PRKAG2: variants seen among roughly 807,000 people sequenced by gnomAD.
PRKAG2 encodes protein kinase AMP-activated non-catalytic subunit gamma 2, also known as 5'-AMP-activated protein kinase subunit gamma-2.
Under a neutral mutation model 69.6 loss-of-function variants are expected in PRKAG2, and 26 were observed. The observed-to-expected ratio is 0.37, with a 90% CI of 0.27 to 0.52. The LOEUF is 0.52. PRKAG2 is among the 20% of genes least tolerant of loss of function. The pLI, the probability that PRKAG2 is intolerant of heterozygous loss-of-function variation, is 0.90. For missense variants in PRKAG2, 557 were observed against 740.0 expected, an observed-to-expected ratio of 0.75 and a Z score of 2.87; for synonymous variants, 293 against 285.0, an observed-to-expected ratio of 1.03 and a Z score of -0.28.
chr7:151,697,808 C>T (rs897041950), intron 3 of PRKAG2, among the ~76,000 whole-genome samples: 3 of 152,164 alleles, frequency 2.0e-5, no homozygotes, highest in Non-Finnish European at 4.4e-5. Flanking sequence ...TCCACCCTGC[C>T]TTCCAACCTC....
Position 151,583,012 on chromosome 7 carries a change from C to CAGAA in PRKAG2, c.865-6564_865-6561dup, listed in dbSNP as rs1414999510. Among the ~76,000 whole-genome samples, 2 of 152,186 alleles carry CAGAA rather than the reference C, an allele frequency of 1.3e-5. No homozygotes were observed. The highest frequency in any genetic ancestry group is 6.5e-5 in the Admixed American group (1 of 15,286). ...CTATACTGACCAAACCAGAAGCCAA[C>CAGAA]AGAAATTTCTTCTTTTTTTCACTTT... On this transcript the variant is annotated intron_variant, in intron 6 of 15. Coordinates refer to ENST00000287878, the MANE Select transcript of PRKAG2 (RefSeq NM_016203.4). This position sits in a 1 kb window ranked among gnomAD's most constrained non-coding sequence, Gnocchi z 4.1.
At chr7:151,698,340 A>C (rs1585857909) in intron 3 of PRKAG2, among the ~76,000 whole-genome samples, 1 of 149,654 alleles carries the variant, frequency 6.7e-6, no homozygotes, top group African/African-American at 2.5e-5. Context: ...CCCATCCCCC[A>C]CCCCCTCGCC....
At chr7:151,848,099 G>A (rs943060000) in intron 1 of PRKAG2, among the ~76,000 whole-genome samples, 3 of 152,216 alleles carry the variant, frequency 2.0e-5, no homozygotes, top group African/African-American at 7.2e-5. Context: ...GAGGACTTCA[G>A]CTTTCAGGAT....
intron 3 of PRKAG2, among the ~76,000 whole-genome samples, chr7:151,693,687 C>T (rs530709389): frequency 1.3e-5 from 2 of 152,242 alleles, no homozygotes; most frequent in South Asian, 2.1e-4. Flanking sequence ...GTTAGGAGGC[C>T]GGGCCTTGGG....
At chr7:151,659,860 C>T (rs1471457250) in intron 4 of PRKAG2, among the ~76,000 whole-genome samples, 1 of 152,224 alleles carries the variant, frequency 6.6e-6, no homozygotes, top group African/African-American at 2.4e-5. Context: ...ATATATTTTC[C>T]CACTAGCTGT....
At chr7:151,706,174 T>C (rs57807319) in intron 3 of PRKAG2, among the ~76,000 whole-genome samples, 39,306 of 152,244 alleles carry the variant, frequency 0.26, 5,531 homozygotes, top group African/African-American at 0.32. Context: ...GCCACACAGC[T>C]GGCTGGTGTC....
In PRKAG2 at chr7:151,630,636, C is replaced by T. The variant is rs1344300376; in HGVS notation, c.754+1433G>A. 4.6e-5 allele frequency among the ~76,000 whole-genome samples: 7 copies of T among 152,308 alleles called. No individual in the cohort carries two copies. The South Asian group carries it at 8.3e-4, about 18-fold the overall frequency. On this transcript the variant is annotated intron_variant, in intron 5 of 15. Coordinates refer to ENST00000287878, the MANE Select transcript of PRKAG2 (RefSeq NM_016203.4). ...AGAAGCTGCTCTCTAGTTCTTCTTG[C>T]CTCCCTGCTAATTTGCAAAAATTGT... is the stretch of plus-strand genomic sequence containing the variant.
At chr7:151,797,248 C>T (rs1272797198) in intron 1 of PRKAG2, among the ~76,000 whole-genome samples, 7 of 151,306 alleles carry the variant, frequency 4.6e-5, no homozygotes, top group African/African-American at 1.2e-4. Flanking sequence ...CCCCCACCGC[C>T]GCCTGGTGCT....
Position 151,632,071 on chromosome 7 carries a change from T to C in PRKAG2, c.752A>G (p.Glu251Gly). The C allele has an allele frequency of 1.4e-6, 2 of 1,401,492 alleles. No homozygotes were observed. Among genetic ancestry groups the C allele is most frequent in the Non-Finnish European group, 1.9e-6 (2 of 1,063,636 alleles). 86.8% of individuals were successfully genotyped at this position (1,401,492 alleles called of 1,614,324 possible). Residue 251 changes from glutamate to glycine, a missense_variant and splice_region_variant, in exon 5 of 16, where the codon GAA becomes GGA. Transcript: ENST00000287878. This position sits in a 1 kb window ranked among gnomAD's most constrained non-coding sequence, Gnocchi z 4.2. ...GMLEKLEFEDEAVEDSESGVY... is the reference protein window; with the variant it reads ...GMLEKLEFEDGAVEDSESGVY... ...GGCAGCGGGCGGGGCGCACTCACCT[T>C]CGTCCTCGAACTCCAGCTTCTCCAG...
chr7:151,775,759 T>C (rs2076310714), intron 3 of PRKAG2, among the ~76,000 whole-genome samples: 1 of 152,140 alleles, frequency 6.6e-6, no homozygotes, highest in Admixed American at 6.5e-5. Context: ...AGGGGCCTTG[T>C]GTAATGAACG....
intron 1 of PRKAG2, among the ~76,000 whole-genome samples, chr7:151,858,774 C>T (rs1247610781): frequency 6.6e-6 from 1 of 152,218 alleles, no homozygotes; most frequent in African/African-American, 2.4e-5. Flanking sequence ...TCCAAAGATG[C>T]TTTGCTGGTA....
At chr7:151,698,419 C>T (rs73484113) in intron 3 of PRKAG2, among the ~76,000 whole-genome samples, 4,378 of 152,142 alleles carry the variant, frequency 0.029, 115 homozygotes, top group African/African-American at 0.069. Context: ...TGTTGAAATG[C>T]GACCCCCGAG....
intron 4 of PRKAG2, among the ~76,000 whole-genome samples, chr7:151,669,448 GCTC>G (rs1831504924): frequency 6.6e-6 from 1 of 152,172 alleles, no homozygotes; most frequent in South Asian, 2.1e-4. Flanking sequence ...CATTCCCTTT[GCTC>G]CTGTGATGCT....
chr7:151,739,450 A>ATTTT (rs2073712321), intron 3 of PRKAG2, among the ~76,000 whole-genome samples: 1 of 151,062 alleles, frequency 6.6e-6, no homozygotes, highest in African/African-American at 2.4e-5. Context: ...TTATTTATTT[A>ATTTT]TTTATTTATT....
intron 1 of PRKAG2, among the ~76,000 whole-genome samples, chr7:151,787,834 A>T (rs536589764): frequency 6.6e-6 from 1 of 152,292 alleles, no homozygotes; most frequent in South Asian, 2.1e-4. Context: ...GGTGTCCTTC[A>T]AGGAAGAGAT....
intron 12 of PRKAG2, 100 bp from the exon 13 acceptor site, chr7:151,565,483 G>C (rs1247907542): frequency 1.5e-5 from 15 of 991,860 alleles, no homozygotes; most frequent in Non-Finnish European, 2.2e-5. Flanking sequence ...GTTAAACACT[G>C]ATAAATAACC....
intron 5 of PRKAG2, among the ~76,000 whole-genome samples, chr7:151,621,275 C>T (rs1429377145): frequency 6.6e-6 from 1 of 152,156 alleles, no homozygotes; most frequent in Non-Finnish European, 1.5e-5. Context: ...TTAAATAAGG[C>T]ATTAACTGTT....
chr7:151,877,034 A>C lies in PRKAG2; in HGVS notation c.-414T>G. 1 of 314,100 alleles carries C rather than the reference A, an allele frequency of 3.2e-6. No individual in the cohort carries two copies. The highest frequency in any genetic ancestry group is 2.8e-5 in the South Asian group (1 of 35,184). 19.5% of individuals were successfully genotyped at this position (314,100 alleles called of 1,614,324 possible). On this transcript the variant is annotated 5_prime_UTR_variant, in exon 1 of 16. Coordinates refer to ENST00000287878, the MANE Select transcript of PRKAG2 (RefSeq NM_016203.4). ...ATTAAAACCAGCAATTTGGAAAACA[A>C]GCCTCCTATGCCTGTGCCCAAGTGG...
intron 3 of PRKAG2, among the ~76,000 whole-genome samples, chr7:151,710,093 C>G (rs1185505919): frequency 2.0e-5 from 3 of 152,158 alleles, no homozygotes; most frequent in Non-Finnish European, 4.4e-5. Flanking sequence ...CAGCTCAGTT[C>G]CAAGTCGGAG....
Sources: gnomAD v4.1 joint callset for allele counts (sites outside exome capture counted in the v4.1 genomes callset) on GRCh38, gnomAD v4.1.1 for gene constraint, Gnocchi (gnomAD v3.1) non-coding constraint, MANE v1.5 for transcripts, NCBI Gene and HGNC (gene_info 2026-07-23, HGNC 2026-07-21) for gene names.